The following EFHC2 variants were observed in gnomAD, a reference collection of about 807,000 sequenced individuals.
EFHC2 encodes EF-hand domain containing 2, also known as EF-hand domain-containing family member C2.
In EFHC2, 18 loss-of-function variants were observed where a neutral mutation model predicts 52.7. The observed-to-expected ratio is 0.34, with a 90% CI of 0.24 to 0.51. The LOEUF is 0.51. Among genes scored for constraint, EFHC2 ranks in the 20% least tolerant of loss-of-function variants. The pLI, the probability that EFHC2 is intolerant of heterozygous loss-of-function variation, is 0.97. For missense variants in EFHC2, 513 were observed against 562.5 expected (o/e 0.91, Z 0.89); for synonymous variants, 203 against 204.1 (o/e 0.99, Z 0.04).
At chrX:44,224,352 C>T (rs2037215402) in intron 11 of EFHC2, among the ~76,000 whole-genome samples, 1 of 111,849 alleles carries the variant, frequency 8.9e-6, no homozygotes, top group Non-Finnish European at 1.9e-5. Context: ...CAAATGTATT[C>T]ATCACAACAG....
chrX:44,245,393 C>T (rs931644494), intron 7 of EFHC2, among the ~76,000 whole-genome samples: 3 of 112,445 alleles, frequency 2.7e-5, no homozygotes, highest in East Asian at 2.8e-4. Flanking sequence ...GAAATTCCTA[C>T]GTAAGAACAG....
chrX:44,269,233 A>G (rs1486966857), intron 3 of EFHC2, among the ~76,000 whole-genome samples: 3 of 110,463 alleles, frequency 2.7e-5, no homozygotes, highest in African/African-American at 9.9e-5. Context: ...ACCTGCCTGG[A>G]GGGGCATCAC....
At position 44,236,014 on chromosome X, in the gene EFHC2, C is replaced by T. The variant is rs1019009139; in HGVS notation, c.1281-567G>A. On this transcript the variant is annotated intron_variant, in intron 8 of 14. Transcript: ENST00000420999. ...CAAATGCTATAACAAATATGATAGA[C>T]CCACCTTTTTTTTTTTTTAAATAGT... Among the ~76,000 whole-genome samples, 3 of 108,387 alleles carry T rather than the reference C, an allele frequency of 2.8e-5. No homozygotes were observed. The East Asian group carries it at 8.5e-4, about 31-fold the overall frequency. 94.1% of individuals were successfully genotyped at this position (108,387 alleles called of 115,157 possible).
At chrX:44,207,442 C>T (rs1166189780) in intron 11 of EFHC2, among the ~76,000 whole-genome samples, 1 of 109,589 alleles carries the variant, frequency 9.1e-6, no homozygotes, top group Admixed American at 9.8e-5. Flanking sequence ...GCCCGAGAGG[C>T]GGAGGTTACG....
intron 11 of EFHC2, among the ~76,000 whole-genome samples, chrX:44,196,717 T>C (rs2036968704): frequency 8.9e-6 from 1 of 111,817 alleles, no homozygotes; most frequent in African/African-American, 3.3e-5. Flanking sequence ...AGACCCAGAG[T>C]GTAAGTTCCA....
chrX:44,292,425 T>C (rs985380554), intron 2 of EFHC2, among the ~76,000 whole-genome samples: 11 of 111,740 alleles, frequency 9.8e-5, no homozygotes, highest in Non-Finnish European at 1.9e-4. Flanking sequence ...GATAATTTTA[T>C]GTACTATTTT....
intron 2 of EFHC2, among the ~76,000 whole-genome samples, chrX:44,282,002 T>G (rs1381198598): frequency 9.0e-6 from 1 of 111,316 alleles, no homozygotes; most frequent in African/African-American, 3.3e-5. Context: ...CAATGTAATG[T>G]TATGAGGAAC....
intron 5 of EFHC2, among the ~76,000 whole-genome samples, chrX:44,249,249 G>T (rs972550366): frequency 9.0e-6 from 1 of 111,289 alleles, no homozygotes. Flanking sequence ...AGAGAATCTG[G>T]GAAAGCCTCC....
At chrX:44,245,142 C>T (rs1201788807) in intron 7 of EFHC2, among the ~76,000 whole-genome samples, 1 of 111,319 alleles carries the variant, frequency 9.0e-6, no homozygotes, top group African/African-American at 3.3e-5. Context: ...TTTAAGTGTC[C>T]AATTCACTCA....
At chrX:44,165,435 A>G (rs928997930) in intron 13 of EFHC2, among the ~76,000 whole-genome samples, 4 of 111,663 alleles carry the variant, frequency 3.6e-5, no homozygotes, top group Non-Finnish European at 5.6e-5. Flanking sequence ...ATTATGGCTC[A>G]CTAGTCATTT....
chrX:44,276,306 A>C (rs897510912), intron 2 of EFHC2, among the ~76,000 whole-genome samples: 2 of 111,307 alleles, frequency 1.8e-5, no homozygotes, highest in African/African-American at 6.5e-5. Context: ...TGCGTGCCTC[A>C]TAGTCCAAGC....
intron 13 of EFHC2, among the ~76,000 whole-genome samples, chrX:44,166,349 C>T (rs2036696470): frequency 9.0e-6 from 1 of 111,213 alleles, no homozygotes; most frequent in African/African-American, 3.3e-5. Flanking sequence ...AGAGAGTATT[C>T]AGGATGACTC....
rs760881225 is a variant in EFHC2 at position 44,302,184 on chromosome X, G to T, written c.231+10384C>A. On this transcript the variant is annotated intron_variant, in intron 2 of 14. Transcript: ENST00000420999. ...CATGATCACCGACACTTAGTGGTAAGAGTCTTAAAATTATAGCCATTCTAA... is the reference window on the plus strand; with the variant it reads ...CATGATCACCGACACTTAGTGGTAATAGTCTTAAAATTATAGCCATTCTAA... Among the ~76,000 whole-genome samples, 4 of 111,725 alleles carry T rather than the reference G, an allele frequency of 3.6e-5. No homozygotes were observed. In the East Asian group the frequency reaches 8.4e-4, roughly 24 times the overall value.
At chrX:44,240,790 G>C (rs756235796) in intron 8 of EFHC2, among the ~76,000 whole-genome samples, 2 of 111,016 alleles carry the variant, frequency 1.8e-5, no homozygotes, top group African/African-American at 3.3e-5. Flanking sequence ...AGTCAGTCTG[G>C]GGGTGGGGGA....
chrX:44,283,424 C>T (rs895599629), intron 2 of EFHC2, among the ~76,000 whole-genome samples: 1 of 111,589 alleles, frequency 9.0e-6, no homozygotes, highest in Admixed American at 9.5e-5. Context: ...CCTCGTGATC[C>T]GCCCACCTCG....
rs146360941 is a variant in EFHC2, at chrX:44,305,916, G to A, written c.231+6652C>T. Among the ~76,000 whole-genome samples the A allele has an allele frequency of 2.2e-4, 25 of 111,673 alleles. No individual in the cohort carries two copies. The East Asian group carries it at 4.8e-3, about 21-fold the overall frequency. ...AATCGTGAGTTGTTTTTCAGTTGCC[G>A]TGGACCCCAGGGTTGAAGGTCATAC... On this transcript the variant is annotated intron_variant, in intron 2 of 14. Transcript: ENST00000420999.
intron 13 of EFHC2, among the ~76,000 whole-genome samples, chrX:44,175,811 G>A (rs758962865): frequency 9.0e-6 from 1 of 111,497 alleles, no homozygotes; most frequent in Admixed American, 9.5e-5. Context: ...GGTTCAACAG[G>A]AGAACTGATG....
At chrX:44,294,170 C>T (rs1280846606) in intron 2 of EFHC2, among the ~76,000 whole-genome samples, 1 of 110,050 alleles carries the variant, frequency 9.1e-6, no homozygotes, top group African/African-American at 3.3e-5. Flanking sequence ...TGTGACCCAT[C>T]ACATGAGGGC....
At chrX:44,290,775 A>C (rs1248590070) in intron 2 of EFHC2, among the ~76,000 whole-genome samples, 4 of 112,210 alleles carry the variant, frequency 3.6e-5, no homozygotes, top group African/African-American at 1.3e-4. Context: ...CACTCCAGGA[A>C]GAGTGGCCAG....
Sources: gnomAD v4.1 joint callset for allele counts (sites outside exome capture counted in the v4.1 genomes callset) on GRCh38, gnomAD v4.1.1 for gene constraint, MANE v1.5 for transcripts, NCBI Gene and HGNC (gene_info 2026-07-23, HGNC 2026-07-21) for gene names.